FRAS1: variants seen among roughly 807,000 people sequenced by gnomAD.
FRAS1 encodes the protein Fraser extracellular matrix complex subunit 1.
FRAS1 carries 290 observed loss-of-function variants against 435.2 expected under a neutral mutation model. The observed-to-expected ratio is 0.67, with a 90% CI of 0.61 to 0.73. The LOEUF is 0.73. Ranked by LOEUF, FRAS1 falls within the 30% of genes least tolerant of loss-of-function variation. The pLI, the probability that FRAS1 is intolerant of heterozygous loss-of-function variation, is 0.00. For synonymous variants in FRAS1, 1,800 were observed against 1,851.0 expected (o/e 0.97, Z 0.71); for missense variants, 4,860 against 5,001.5 (o/e 0.97, Z 0.85).
chr4:78,511,301 A>C lies in FRAS1; in HGVS notation c.9808A>C (p.Arg3270=), dbSNP rs3749488. The C allele has an allele frequency of 0.29, 464,641 of 1,602,702 alleles. 73,212 individuals carry two copies. The highest frequency in any genetic ancestry group is 0.52 in the South Asian group (46,724 of 90,564). ...CCTGGACAGCATTTACTTCAGCCGG[A>C]GGTTCCATGTGCGTTGTGTGGCCAA... ...MVLDSIYFSR[R]FHVRCVAKAV... The change falls in exon 64 of 74, where the codon AGG becomes CGG. Residue 3270 remains arginine, a synonymous_variant. Coordinates refer to ENST00000512123, the MANE Select transcript of FRAS1 (RefSeq NM_025074.7).
At chr4:78,486,937 T>C (rs1293517598) in intron 58 of FRAS1, among the ~76,000 whole-genome samples, 3 of 151,794 alleles carry the variant, frequency 2.0e-5, no homozygotes, top group Admixed American at 6.6e-5. Flanking sequence ...TTGGAGTTGA[T>C]TAATGCATGA....
intron 32 of FRAS1, among the ~76,000 whole-genome samples, chr4:78,416,518 C>A (rs1297366217): frequency 6.6e-6 from 1 of 150,682 alleles, no homozygotes; most frequent in Admixed American, 6.7e-5. Flanking sequence ...GCGGGTGAAA[C>A]ACCCAGTGTC....
At chr4:78,334,766 C>CT (rs1022649473) in intron 19 of FRAS1, among the ~76,000 whole-genome samples, 9 of 150,970 alleles carry the variant, frequency 6.0e-5, no homozygotes, top group East Asian at 2.0e-4. Flanking sequence ...ATTTCTTTTT[C>CT]TTTTTTTTAA....
chr4:78,514,491 A>G (rs943668841), intron 65 of FRAS1, among the ~76,000 whole-genome samples: 11 of 152,268 alleles, frequency 7.2e-5, no homozygotes, highest in African/African-American at 1.4e-4. Context: ...ACTTTTGGTC[A>G]TGATGGTCTT....
intron 23 of FRAS1, among the ~76,000 whole-genome samples, chr4:78,370,659 G>C (rs779309620): frequency 6.6e-6 from 1 of 152,180 alleles, no homozygotes; most frequent in East Asian, 1.9e-4. Context: ...GTCAGGAGTC[G>C]TGTCTGATGT....
Position 78,499,701 on chromosome 4 carries a change from T to A in FRAS1, c.9116-20T>A. 1.9e-6 allele frequency: 3 copies of A among 1,610,166 alleles called. No homozygotes were observed. The highest frequency in any genetic ancestry group is 1.1e-5 in the South Asian group (1 of 90,810). On this transcript the variant is annotated intron_variant, in intron 60 of 73. Transcript: ENST00000512123. Reference sequence around the variant, plus strand: ...GTGCTATTCTAACTGGCTCTTGTTTTCCTAACCATATTTCCTTAGCCCCCA... The same window carrying A: ...GTGCTATTCTAACTGGCTCTTGTTTACCTAACCATATTTCCTTAGCCCCCA...
intron 69 of FRAS1, among the ~76,000 whole-genome samples, chr4:78,523,490 GA>G (rs1001927020): frequency 1.1e-4 from 17 of 150,446 alleles, no homozygotes; most frequent in Non-Finnish European, 2.4e-4. Flanking sequence ...GGGAAGAATG[GA>G]AAAAAAAATT....
At chr4:78,422,057 C>T (rs770804439) in intron 34 of FRAS1, 57 bp downstream of exon 34, 13 of 1,533,748 alleles carry the variant, frequency 8.5e-6, no homozygotes, top group African/African-American at 2.7e-5. Context: ...CTCTACATGA[C>T]AGGCTCGCCC....
At chr4:78,374,756 A>G (rs1374236015) in intron 25 of FRAS1, among the ~76,000 whole-genome samples, 3 of 152,200 alleles carry the variant, frequency 2.0e-5, no homozygotes, top group Non-Finnish European at 2.9e-5. Context: ...GAGTTTTATC[A>G]GTTTGTTCTC....
intron 49 of FRAS1, among the ~76,000 whole-genome samples, 157 bp downstream of exon 49, chr4:78,464,740 C>T (rs1719476114): frequency 6.6e-6 from 1 of 152,150 alleles, no homozygotes; most frequent in African/African-American, 2.4e-5. Context: ...CCAGGGCCTT[C>T]TGGAAAAGAA....
intron 14 of FRAS1, among the ~76,000 whole-genome samples, chr4:78,290,421 C>G (rs975240910): frequency 6.6e-6 from 1 of 151,946 alleles, no homozygotes; most frequent in Non-Finnish European, 1.5e-5. Flanking sequence ...GCTAAACCAC[C>G]TGGACCACCT....
At chr4:78,187,173 A>G (rs1436177903) in intron 2 of FRAS1, among the ~76,000 whole-genome samples, 2 of 152,120 alleles carry the variant, frequency 1.3e-5, no homozygotes, top group Admixed American at 1.3e-4. Flanking sequence ...AGCTACTTGT[A>G]TGTTCTTCAC....
intron 9 of FRAS1, among the ~76,000 whole-genome samples, chr4:78,270,098 T>C (rs1380729496): frequency 6.6e-6 from 1 of 152,158 alleles, no homozygotes; most frequent in East Asian, 1.9e-4. Context: ...TGAAAGCAAT[T>C]TTAGTCAAAA....
intron 43 of FRAS1, 107 bp from the exon 44 acceptor site, chr4:78,447,946 G>A: frequency 9.5e-7 from 1 of 1,050,338 alleles, no homozygotes; most frequent in Non-Finnish European, 1.3e-6. Context: ...TGAGGCACTT[G>A]ACATTCTACC....
intron 68 of FRAS1, 89 bp downstream of exon 68, chr4:78,521,719 C>T (rs17470769): frequency 0.16 from 124,345 of 778,030 alleles, 10,430 homozygotes; most frequent in East Asian, 0.21. Flanking sequence ...CAGTAAAAAA[C>T]AGTCAACAAT....
chr4:78,181,638 T>A, intron 2 of FRAS1: 1 of 1,610,240 alleles, frequency 6.2e-7, no homozygotes, highest in Non-Finnish European at 8.5e-7. Context: ...TTTTCGAATC[T>A]TCGTTCACAA....
intron 30 of FRAS1, among the ~76,000 whole-genome samples, chr4:78,401,767 A>G (rs1732903027): frequency 7.0e-6 from 1 of 142,730 alleles, no homozygotes; most frequent in African/African-American, 2.5e-5. Context: ...CTTTAGGCCT[A>G]TTTTTCCGGT....
In FRAS1 at chr4:78,472,290, C is replaced by G; in HGVS notation, c.7482C>G (p.Asn2494Lys). 6.2e-7 allele frequency: 1 copy of G among 1,611,354 alleles called. No individual in the cohort carries two copies. The highest frequency in any genetic ancestry group is 1.3e-5 in the African/African-American group (1 of 75,010). The stretch of plus-strand genomic sequence containing the variant: ...GCCCTAAGCATGGCTTTGTGGAGAA[C>G]AAGCTGCAGCCTGGCAGAGCTGCTG... ...TTGPKHGFVE[N>K]KLQPGRAAAT... is the part of the protein sequence containing the mutation. The change falls in exon 52 of 74, where the codon AAC (asparagine) becomes AAG (lysine). Residue 2494 changes from asparagine to lysine, a missense_variant. Transcript: ENST00000512123.
chr4:78,484,248 G>A (rs1720104710), intron 58 of FRAS1, among the ~76,000 whole-genome samples: 1 of 152,052 alleles, frequency 6.6e-6, no homozygotes. Flanking sequence ...ATTGAGATTA[G>A]CTTTTCATTG....
Sources: gnomAD v4.1 joint callset for allele counts (sites outside exome capture counted in the v4.1 genomes callset) on GRCh38, gnomAD v4.1.1 for gene constraint, MANE v1.5 for transcripts, NCBI Gene and HGNC (gene_info 2026-07-23, HGNC 2026-07-21) for gene names.